The following WWOX variants were observed in gnomAD, a reference collection of about 807,000 sequenced individuals.
WWOX encodes the protein WW domain containing oxidoreductase.
Under a neutral mutation model 46.2 loss-of-function variants are expected in WWOX, and 69 were observed. That is an observed-to-expected ratio of 1.49 (90% CI 1.23 to 1.82). The LOEUF (loss-of-function observed/expected upper bound fraction) is 1.82, where lower values mean the gene tolerates loss of function less well. Among genes scored for constraint, WWOX ranks in the 40% most tolerant of loss-of-function variants. The pLI is 0.00. For synonymous variants in WWOX, 359 were observed against 202.6 expected, an observed-to-expected ratio of 1.77 and a Z score of -6.56; for missense variants, 919 against 542.6, an observed-to-expected ratio of 1.69 and a Z score of -6.89.
chr16:78,530,358 G>C (rs190383229), intron 8 of WWOX, among the ~76,000 whole-genome samples: 5 of 152,284 alleles, frequency 3.3e-5, no homozygotes, highest in Non-Finnish European at 7.3e-5. Context: ...AAATTTTAAG[G>C]ATGGCAGATG....
intron 5 of WWOX, among the ~76,000 whole-genome samples, chr16:78,339,331 T>C (rs73576471): frequency 1.8e-5 from 2 of 112,488 alleles, no homozygotes; most frequent in South Asian, 2.7e-4. Flanking sequence ...CCTCAAACTT[T>C]CATGTGATTG....
chr16:78,419,663 T>A (rs916947113), intron 6 of WWOX, among the ~76,000 whole-genome samples: 3 of 138,292 alleles, frequency 2.2e-5, no homozygotes, highest in Non-Finnish European at 4.6e-5. Context: ...GTCAGAGACT[T>A]AAATGTAAGA....
intron 5 of WWOX, among the ~76,000 whole-genome samples, chr16:78,352,554 T>C (rs542891049): frequency 1.2e-4 from 18 of 152,362 alleles, no homozygotes; most frequent in Non-Finnish European, 2.2e-4. Flanking sequence ...TTCTCTCTCT[T>C]CTGCTTCTGC....
intron 5 of WWOX, among the ~76,000 whole-genome samples, chr16:78,312,562 A>T (rs2080269063): frequency 1.3e-5 from 2 of 151,948 alleles, no homozygotes; most frequent in South Asian, 2.1e-4. Context: ...TTTAGTAGAG[A>T]TGGGGTTTCA....
At chr16:79,138,596 A>G (rs1041101065) in intron 8 of WWOX, among the ~76,000 whole-genome samples, 1 of 152,198 alleles carries the variant, frequency 6.6e-6, no homozygotes, top group African/African-American at 2.4e-5. Context: ...TGCTCTGGGC[A>G]AGTAAGTTTA....
At chr16:79,009,855 T>C (rs1001482592) in intron 8 of WWOX, among the ~76,000 whole-genome samples, 4 of 152,168 alleles carry the variant, frequency 2.6e-5, no homozygotes, top group Non-Finnish European at 5.9e-5. Context: ...TTCGACCTCA[T>C]CTGGGAAGGT....
intron 8 of WWOX, among the ~76,000 whole-genome samples, chr16:78,652,400 C>T (rs571289279): frequency 1.8e-4 from 24 of 134,890 alleles, no homozygotes; most frequent in Admixed American, 7.7e-4. Flanking sequence ...CAGAGCGAGA[C>T]TCCGTCTCAA....
chr16:78,108,596 T>G, intron 2 of WWOX, 109 bp downstream of exon 2: 1 of 1,221,136 alleles, frequency 8.2e-7, no homozygotes, highest in African/African-American at 1.5e-5. Context: ...GGCTCTCTGG[T>G]AGAGAACCAG....
intron 8 of WWOX, among the ~76,000 whole-genome samples, chr16:78,786,206 G>A (rs147192299): frequency 6.6e-6 from 1 of 152,262 alleles, no homozygotes; most frequent in Non-Finnish European, 1.5e-5. Flanking sequence ...CACCGCGCCT[G>A]GCCTGAATTA....
In WWOX at chr16:78,793,171, C is replaced by T. The variant is rs566486009; in HGVS notation, c.1056+360419C>T. ...CACTGCAACTGCTGTCTCATGGGAT[C>T]AAGTGATCTTCACACCTCAGCCTCC... is the stretch of plus-strand genomic sequence containing the variant. On this transcript the variant is annotated intron_variant, in intron 8 of 8. Transcript: ENST00000566780. 7.9e-5 allele frequency among the ~76,000 whole-genome samples: 12 copies of T among 152,264 alleles called. No individual in the cohort carries two copies. In the East Asian group the frequency reaches 2.3e-3, roughly 29 times the overall value.
chr16:79,156,153 TA>T (rs1489703833), intron 8 of WWOX, among the ~76,000 whole-genome samples: 2 of 152,168 alleles, frequency 1.3e-5, no homozygotes, highest in Non-Finnish European at 2.9e-5. Flanking sequence ...TCTGTAGGTC[TA>T]GCAATTGGAG....
Position 78,825,968 on chromosome 16 carries a change from G to T in WWOX, c.1057-385640G>T, listed in dbSNP as rs749690551. ...CTCAGAACAGAAGGGTGGGAAGCCA[G>T]AGCCGCCTGCTATGCCCCAGCCAGT... On this transcript the variant is annotated intron_variant, in intron 8 of 8. Transcript: ENST00000566780. The T allele has an allele frequency of 4.2e-5, 33 of 791,488 alleles. 1 individual carries two copies. In the Middle Eastern group the frequency reaches 1.5e-3, roughly 35 times the overall value. The allele number at this position is 791,488 out of a possible 1,614,324, so 49.0% of individuals were successfully genotyped here.
chr16:78,626,595 G>C (rs1003238994), intron 8 of WWOX, among the ~76,000 whole-genome samples: 1 of 152,140 alleles, frequency 6.6e-6, no homozygotes. Flanking sequence ...ACCTGGTCAA[G>C]GTAGTGTTCA....
chr16:78,824,453 T>A (rs1373715170), intron 8 of WWOX, among the ~76,000 whole-genome samples: 1 of 152,206 alleles, frequency 6.6e-6, no homozygotes, highest in Non-Finnish European at 1.5e-5. Context: ...TCAGATACTT[T>A]CCTAGGTGCT....
At chr16:78,595,106 G>A (rs1410796587) in intron 8 of WWOX, among the ~76,000 whole-genome samples, 1 of 152,218 alleles carries the variant, frequency 6.6e-6, no homozygotes, top group Non-Finnish European at 1.5e-5. Context: ...TGTTAGCAGA[G>A]GCAGTGGCAG....
At chr16:78,604,093 G>C (rs1463878526) in intron 8 of WWOX, among the ~76,000 whole-genome samples, 1 of 152,146 alleles carries the variant, frequency 6.6e-6, no homozygotes, top group Non-Finnish European at 1.5e-5. Flanking sequence ...GCAGTGAGCT[G>C]TGATCACGCC....
chr16:78,819,647 A>G (rs1387069372), intron 8 of WWOX, among the ~76,000 whole-genome samples: 2 of 152,222 alleles, frequency 1.3e-5, no homozygotes, highest in Admixed American at 1.3e-4. Context: ...CTTCAATAAA[A>G]GTTGCTAACA....
intron 8 of WWOX, among the ~76,000 whole-genome samples, chr16:79,092,111 T>G (rs1485250449): frequency 6.6e-6 from 1 of 152,084 alleles, no homozygotes; most frequent in Non-Finnish European, 1.5e-5. Context: ...AATGTGTAAT[T>G]CAGATCAGTC....
chr16:78,433,509 A>G (rs761971536), intron 8 of WWOX, among the ~76,000 whole-genome samples: 15 of 152,344 alleles, frequency 9.8e-5, no homozygotes, highest in African/African-American at 2.4e-4. Context: ...ATGTCTTCCT[A>G]TTAGTGGACA....
Sources: gnomAD v4.1 joint callset for allele counts (sites outside exome capture counted in the v4.1 genomes callset) on GRCh38, gnomAD v4.1.1 for gene constraint, MANE v1.5 for transcripts, NCBI Gene and HGNC (gene_info 2026-07-23, HGNC 2026-07-21) for gene names.